Variants in SYNPO2 observed in about 807,000 individuals in gnomAD.
SYNPO2 encodes the protein synaptopodin 2.
SYNPO2 carries 56 observed loss-of-function variants against 85.0 expected under a neutral mutation model. The observed-to-expected ratio is 0.66, with a 90% CI of 0.53 to 0.82. SYNPO2 has a LOEUF of 0.82. Ranked by LOEUF, SYNPO2 falls within the 40% of genes least tolerant of loss-of-function variation. The pLI is 0.00. For missense variants in SYNPO2, 1,575 were observed against 1,534.2 expected (o/e 1.03, Z -0.44); for synonymous variants, 602 against 591.1 (o/e 1.02, Z -0.27).
At chr4:118,894,583 C>T (rs7661896) in intron 1 of SYNPO2, among the ~76,000 whole-genome samples, 108 of 143,884 alleles carry the variant, frequency 7.5e-4, no homozygotes, top group African/African-American at 2.6e-3. Context: ...ATCAGGGGAA[C>T]AAAACTGGAG....
intron 1 of SYNPO2, among the ~76,000 whole-genome samples, chr4:118,923,730 G>T (rs561281367): frequency 6.6e-6 from 1 of 152,026 alleles, no homozygotes; most frequent in Non-Finnish European, 1.5e-5. Flanking sequence ...CTGAGAAAAT[G>T]CCTGCAGAAT....
At chr4:118,993,733 C>T (rs1736488765) in intron 1 of SYNPO2, among the ~76,000 whole-genome samples, 1 of 152,208 alleles carries the variant, frequency 6.6e-6, no homozygotes, top group Non-Finnish European at 1.5e-5. Context: ...AGAGTCTTTT[C>T]TCTCTTCCCA....
intron 1 of SYNPO2, among the ~76,000 whole-genome samples, chr4:119,022,689 T>C (rs991497883): frequency 7.0e-6 from 1 of 143,356 alleles, no homozygotes; most frequent in Admixed American, 7.0e-5. Flanking sequence ...TTATTTTAAT[T>C]GTATTTTATT....
At chr4:118,995,743 T>C (rs1006664310) in intron 1 of SYNPO2, among the ~76,000 whole-genome samples, 9 of 152,174 alleles carry the variant, frequency 5.9e-5, no homozygotes, top group African/African-American at 2.2e-4. Flanking sequence ...CAAGGAAGTT[T>C]AAAATTGAAC....
At chr4:118,938,924 C>T (rs1560887676) in intron 1 of SYNPO2, among the ~76,000 whole-genome samples, 2 of 152,042 alleles carry the variant, frequency 1.3e-5, no homozygotes, top group Non-Finnish European at 2.9e-5. Context: ...ATAACCTTTC[C>T]TTTTTTACTC....
Position 119,029,711 on chromosome 4 carries a change from C to A in SYNPO2, c.1070-134C>A, listed in dbSNP as rs183022898. 4.8e-6 allele frequency: 4 copies of A among 828,206 alleles called. No homozygotes were observed. The Admixed American group carries it at 8.1e-5, about 17-fold the overall frequency. The allele number at this position is 828,206 out of a possible 1,614,324, so 51.3% of individuals were successfully genotyped here. On this transcript the variant is annotated intron_variant, in intron 3 of 4. Transcript: ENST00000307142. ...ATAAGAAAAAGAAATGTGTTGGATTCCTTCAAAATTCTGTACTCAATGGCA... is the reference window on the plus strand; with the variant it reads ...ATAAGAAAAAGAAATGTGTTGGATTACTTCAAAATTCTGTACTCAATGGCA...
intron 1 of SYNPO2, among the ~76,000 whole-genome samples, chr4:118,955,215 G>T (rs1190162238): frequency 6.6e-6 from 1 of 152,064 alleles, no homozygotes; most frequent in East Asian, 1.9e-4. Context: ...GGCCAGGCTG[G>T]TCTCAAACTC....
At chr4:118,878,849 C>T (rs1232597381) in intron 1 of SYNPO2, among the ~76,000 whole-genome samples, 2 of 152,208 alleles carry the variant, frequency 1.3e-5, no homozygotes, top group African/African-American at 4.8e-5. Context: ...CCCCAGCCAG[C>T]AGAGGCACCC....
intron 1 of SYNPO2, among the ~76,000 whole-genome samples, chr4:118,915,768 T>C (rs1733297505): frequency 6.6e-6 from 1 of 152,198 alleles, no homozygotes; most frequent in African/African-American, 2.4e-5. Flanking sequence ...CTTGTTCAAG[T>C]TGATGCATGA....
rs146410244 is a variant in SYNPO2 at position 119,030,586 on chromosome 4, C to T, written c.1811C>T (p.Ser604Leu). The change falls in exon 4 of 5, where the codon TCG (serine) becomes TTG (leucine). Residue 604 changes from serine to leucine, a missense_variant. Physicochemically the swap from Ser to Leu is moderately radical, Grantham distance 145. Coordinates refer to ENST00000307142, the MANE Select transcript of SYNPO2 (RefSeq NM_133477.3). ...GTGAATCAGCCAGCTACCCCCTTCT[C>T]GCCAACCCGAAACATGACGAGTCCC... The part of the protein sequence containing the change: ...GSVNQPATPF[S>L]PTRNMTSPIA... The T allele has an allele frequency of 3.1e-6, 5 of 1,614,032 alleles. No individual in the cohort carries two copies. Among genetic ancestry groups the T allele is most frequent in the Admixed American group, 3.3e-5 (2 of 60,010 alleles).
intron 4 of SYNPO2, among the ~76,000 whole-genome samples, chr4:119,038,794 C>A (rs1029260475): frequency 6.6e-5 from 10 of 152,166 alleles, no homozygotes; most frequent in Non-Finnish European, 1.2e-4. Flanking sequence ...AGGCAGCAAA[C>A]CCTTCCCACC....
At chr4:118,884,492 CTG>C (rs1732165259), upstream of SYNPO2, among the ~76,000 whole-genome samples, 1 of 152,200 alleles carries the variant, frequency 6.6e-6, no homozygotes, top group South Asian at 2.1e-4. Context: ...GTACCTATCT[CTG>C]TGTTAAGGAG....
chr4:119,031,557 A>T lies in SYNPO2; in HGVS notation c.2782A>T (p.Ile928Phe). 1 of 1,614,002 alleles carries T rather than the reference A, an allele frequency of 6.2e-7. No homozygotes were observed. The highest frequency in any genetic ancestry group is 8.5e-7 in the Non-Finnish European group (1 of 1,179,990). Residue 928 changes from isoleucine to phenylalanine, a missense_variant, in exon 4 of 5, where the codon ATC (isoleucine) becomes TTC (phenylalanine). Physicochemically the swap from Ile to Phe is conservative, Grantham distance 21. This residue lies in a region of SYNPO2 where 1,508 missense variants were observed against 1,446.8 expected (regional missense o/e 1.04). Coordinates refer to ENST00000307142, the MANE Select transcript of SYNPO2 (RefSeq NM_133477.3). ...RAPPPVAYNP[I>F]HSPSYPLAAL... Reference sequence around the variant, plus strand: ...ACCTCCTCCTGTGGCCTATAATCCTATCCACTCGCCGTCTTACCCACTGGC... The same window carrying T: ...ACCTCCTCCTGTGGCCTATAATCCTTTCCACTCGCCGTCTTACCCACTGGC...
At chr4:119,038,014 T>C (rs1738584805) in intron 4 of SYNPO2, 2 of 353,634 alleles carry the variant, frequency 5.7e-6, no homozygotes, top group Non-Finnish European at 7.9e-6. Context: ...ACAGATGAGG[T>C]ATCTAAGCTC....
rs555819346 is a variant in SYNPO2 at position 118,989,908 on chromosome 4, T to A, written c.106-33522T>A. Among the ~76,000 whole-genome samples the A allele has an allele frequency of 2.0e-3, 311 of 152,348 alleles. 1 individual carries two copies. The highest frequency in any genetic ancestry group is 7.0e-3 in the African/African-American group (293 of 41,592). On this transcript the variant is annotated intron_variant, in intron 1 of 4. Transcript: ENST00000307142. Reference sequence around the variant, plus strand: ...AGACCCCCGTCCATCAGTAGACCGATCCACTTCACTCATTCATGTACTCTC... The same window carrying A: ...AGACCCCCGTCCATCAGTAGACCGAACCACTTCACTCATTCATGTACTCTC...
chr4:118,900,420 T>C (rs1451732936), intron 1 of SYNPO2, among the ~76,000 whole-genome samples: 2 of 152,120 alleles, frequency 1.3e-5, no homozygotes, highest in Non-Finnish European at 2.9e-5. Flanking sequence ...TTGCAAGAGA[T>C]ACCATTGGAA....
chr4:118,903,108 A>G (rs112072778), intron 1 of SYNPO2, among the ~76,000 whole-genome samples: 1 of 151,810 alleles, frequency 6.6e-6, no homozygotes, highest in South Asian at 2.1e-4. Context: ...GCCTTTGTAG[A>G]TAAAAAAAAT....
intron 1 of SYNPO2, among the ~76,000 whole-genome samples, chr4:118,922,630 G>A (rs1190092093): frequency 1.3e-5 from 2 of 151,568 alleles, no homozygotes; most frequent in Non-Finnish European, 2.9e-5. Context: ...TTTATAAAAA[G>A]GGACACATAT....
At chr4:118,946,750 C>G (rs77675255) in intron 1 of SYNPO2, among the ~76,000 whole-genome samples, 7,119 of 152,274 alleles carry the variant, frequency 0.047, 238 homozygotes, top group Middle Eastern at 0.099. Context: ...TAATTTCACT[C>G]TAACATTTCA....
Sources: gnomAD v4.1 joint callset for allele counts (sites outside exome capture counted in the v4.1 genomes callset) on GRCh38, gnomAD v4.1.1 for gene constraint, gnomAD v4.1.1 regional missense constraint, MANE v1.5 for transcripts, NCBI Gene and HGNC (gene_info 2026-07-23, HGNC 2026-07-21) for gene names.